The following EHMT1 variants were observed in gnomAD, a reference collection of about 807,000 sequenced individuals.
The protein encoded by EHMT1 is euchromatic histone lysine methyltransferase 1.
EHMT1 carries 15 observed loss-of-function variants against 147.2 expected under a neutral mutation model. That is an observed-to-expected ratio of 0.10 (90% confidence interval 0.07 to 0.16). The LOEUF is 0.16. Ranked by LOEUF, EHMT1 falls within the 10% of genes least tolerant of loss-of-function variation. The probability of loss-of-function intolerance (pLI) is 1.00; values close to 1 mark genes in which losing one functional copy is unlikely to be tolerated. For missense variants in EHMT1, 1,587 were observed against 1,772.4 expected, an observed-to-expected ratio of 0.90 and a Z score of 1.88; for synonymous variants, 795 against 709.6, an observed-to-expected ratio of 1.12 and a Z score of -1.91.
chr9:137,683,804 T>C (rs1942186785), intron 1 of EHMT1, among the ~76,000 whole-genome samples: 1 of 152,198 alleles, frequency 6.6e-6, no homozygotes, highest in South Asian at 2.1e-4. Context: ...AAAAAAATTA[T>C]ACAATGACAC....
chr9:137,803,327 C>G (rs1034073711), intron 18 of EHMT1: 2 of 985,916 alleles, frequency 2.0e-6, no homozygotes, highest in Non-Finnish European at 2.4e-6. Context: ...GAGCCCAGTC[C>G]TCCCTCATGC....
At chr9:137,645,205 A>G (rs745777144) in intron 1 of EHMT1, among the ~76,000 whole-genome samples, 3 of 152,232 alleles carry the variant, frequency 2.0e-5, no homozygotes, top group Non-Finnish European at 4.4e-5. Context: ...AACCCACTGA[A>G]TGTTGCCTGG....
intron 2 of EHMT1, among the ~76,000 whole-genome samples, chr9:137,716,023 G>T (rs1161128515): frequency 6.7e-6 from 1 of 149,132 alleles, no homozygotes; most frequent in Non-Finnish European, 1.5e-5. Context: ...GTTGGTGGTG[G>T]TGTCATAGGG....
At chr9:137,741,293 G>GCACATGAAATGCAGGGTTATCT (rs1474151388) in intron 4 of EHMT1, among the ~76,000 whole-genome samples, 2 of 152,092 alleles carry the variant, frequency 1.3e-5, no homozygotes, top group Admixed American at 1.3e-4. Flanking sequence ...TGATTCTTAA[G>GCACATGAAATGCAGGGTTATCT]CACATGAAAT....
At chr9:137,677,502 C>T (rs909136127) in intron 1 of EHMT1, among the ~76,000 whole-genome samples, 1 of 151,876 alleles carries the variant, frequency 6.6e-6, no homozygotes, top group Admixed American at 6.6e-5. Context: ...GGCTGCTCAC[C>T]GCAAGCTCTG....
intron 1 of EHMT1, among the ~76,000 whole-genome samples, chr9:137,677,785 A>G (rs1249835972): frequency 2.6e-5 from 4 of 151,874 alleles, no homozygotes; most frequent in African/African-American, 9.7e-5. Flanking sequence ...TCAGCCGAGC[A>G]CGGTGGCTCA....
At chr9:137,686,826 G>A (rs911044306) in intron 1 of EHMT1, among the ~76,000 whole-genome samples, 4 of 151,612 alleles carry the variant, frequency 2.6e-5, no homozygotes, top group African/African-American at 9.7e-5. Context: ...TGCCTCCCGG[G>A]TTCATGCCAT....
At chr9:137,740,976 A>ATTTTTTTTTTTTTT (rs1167049276) in intron 4 of EHMT1, among the ~76,000 whole-genome samples, 1 of 119,458 alleles carries the variant, frequency 8.4e-6, no homozygotes. Context: ...CCCCGACATG[A>ATTTTTTTTTTTTTT]TTTTTTTTTT....
rs1951478570 is a variant in EHMT1, at chr9:137,781,191, G to GTGA, written c.2276-1099_2276-1097dup. Among the ~76,000 whole-genome samples, 4 of 94,592 alleles carry GTGA rather than the reference G, an allele frequency of 4.2e-5. 1 individual carries two copies. Among genetic ancestry groups the GTGA allele is most frequent in the Non-Finnish European group, 5.6e-5 (3 of 53,924 alleles). 62.1% of individuals were successfully genotyped at this position (94,592 alleles called of 152,430 possible). A position where few individuals can be genotyped will look rare whatever the true frequency, so the allele number is the denominator to read the frequency against. ...TGTGGTGATGACGCTGGGACGTGTGGTGACGACGCTGAGACGTGTGGTGAC... is the reference window on the plus strand; with the variant it reads ...TGTGGTGATGACGCTGGGACGTGTGGTGATGACGACGCTGAGACGTGTGGTGAC... On this transcript the variant is annotated intron_variant, in intron 14 of 26. Coordinates refer to ENST00000460843, the MANE Select transcript of EHMT1 (RefSeq NM_024757.5).
chr9:137,710,969 A>G lies in EHMT1; in HGVS notation c.24A>G (p.Ala8=), dbSNP rs767056905. Residue 8 remains alanine (A), a splice_region_variant and synonymous_variant, in exon 2 of 27, where the codon GCA becomes GCG. Transcript: ENST00000460843. ...CGGCTGTTGTTTCTCTCTAACAGGC[A>G]GTTCCGGCGAGGGGGGAGCCTCAGC... MAAADAE[A]VPARGEPQQD... 13 of 1,596,900 alleles carry G rather than the reference A, an allele frequency of 8.1e-6. No homozygotes were observed. In the African/African-American group the frequency reaches 9.4e-5, roughly 12 times the overall value.
intron 16 of EHMT1, among the ~76,000 whole-genome samples, chr9:137,793,419 C>T (rs1220750575): frequency 6.6e-6 from 1 of 152,222 alleles, no homozygotes; most frequent in Non-Finnish European, 1.5e-5. Context: ...GTGGCAATAT[C>T]GGAACTCTCA....
intron 1 of EHMT1, among the ~76,000 whole-genome samples, chr9:137,688,777 C>T (rs570434020): frequency 5.9e-5 from 9 of 152,314 alleles, no homozygotes; most frequent in South Asian, 2.1e-4. Flanking sequence ...TTTGCTTCTG[C>T]GTTCTCCTCG....
chr9:137,620,207 A>G (rs868416914), intron 1 of EHMT1: 4 of 152,188 alleles, frequency 2.6e-5, no homozygotes, highest in Non-Finnish European at 4.4e-5. Context: ...CAAGGAATTA[A>G]TATTAGTCAC....
Position 137,716,822 on chromosome 9 carries a change from T to C in EHMT1, c.282T>C (p.Asn94=), listed in dbSNP as rs1945361999. 1 of 1,612,922 alleles carries C rather than the reference T, an allele frequency of 6.2e-7. No homozygotes were observed. Among genetic ancestry groups the C allele is most frequent in the Non-Finnish European group, 8.5e-7 (1 of 1,179,818 alleles). ...GTNTLTRIAE[N]GVSERDSEAA... is the part of the protein sequence containing the mutation. ...ACACACTAACTCGGATAGCGGAAAA[T>C]GGGGTTTCAGAAAGAGACTCAGAAG... The change falls in exon 3 of 27, where the codon AAT becomes AAC. Residue 94 remains asparagine, a synonymous_variant. Transcript: ENST00000460843.
In EHMT1 at chr9:137,655,544, T is replaced by G. The variant is rs192169279; in HGVS notation, c.21+36495T>G. ...GAGTTCACAATAATTACCATTTACA[T>G]GAAGATGCTAATAGTGTTTTTTATG... On this transcript the variant is annotated intron_variant, in intron 1 of 26. Coordinates refer to ENST00000460843, the MANE Select transcript of EHMT1 (RefSeq NM_024757.5). Among the ~76,000 whole-genome samples, 350 of 152,342 alleles carry G rather than the reference T, an allele frequency of 2.3e-3. 5 individuals carry two copies. The highest frequency in any genetic ancestry group is 1.2e-3 in the Non-Finnish European group (82 of 68,038).
intron 2 of EHMT1, among the ~76,000 whole-genome samples, chr9:137,713,213 C>T (rs1360991662): frequency 6.6e-6 from 1 of 151,870 alleles, no homozygotes. Context: ...CCTACCACCT[C>T]AGCCTCCCAA....
At chr9:137,674,329 C>G (rs1468247729) in intron 1 of EHMT1, among the ~76,000 whole-genome samples, 1 of 152,192 alleles carries the variant, frequency 6.6e-6, no homozygotes, top group East Asian at 1.9e-4. Flanking sequence ...CAGGATTGTG[C>G]TCTTCACTGG....
chr9:137,704,856 C>T (rs1285985116), intron 1 of EHMT1, among the ~76,000 whole-genome samples: 2 of 137,142 alleles, frequency 1.5e-5, no homozygotes, highest in South Asian at 5.0e-4. Context: ...CTTCCCTTTC[C>T]TTTCTTTGTT....
intron 1 of EHMT1, among the ~76,000 whole-genome samples, chr9:137,691,309 T>TTA (rs543280328): frequency 0.014 from 2,124 of 147,594 alleles, 44 homozygotes; most frequent in African/African-American, 0.048. Flanking sequence ...ATATATGTAA[T>TTA]TATATATATA....
Sources: allele counts gnomAD v4.1 joint callset (sites outside exome capture counted in the v4.1 genomes callset), GRCh38; gene constraint gnomAD v4.1.1; transcripts MANE v1.5; gene names NCBI Gene and HGNC (gene_info 2026-07-23, HGNC 2026-07-21).